ANAPC7: variants seen among roughly 807,000 people sequenced by gnomAD.
ANAPC7 encodes anaphase promoting complex subunit 7, also known as anaphase-promoting complex subunit 7.
ANAPC7 carries 25 observed loss-of-function variants against 63.3 expected under a neutral mutation model. The observed-to-expected ratio is 0.39, with a 90% confidence interval of 0.29 to 0.55. ANAPC7 has a LOEUF of 0.55. Among genes scored for constraint, ANAPC7 ranks in the 20% least tolerant of loss-of-function variants. The pLI is 0.57. For synonymous variants in ANAPC7, 241 were observed against 251.7 expected, an observed-to-expected ratio of 0.96 and a Z score of 0.40; for missense variants, 516 against 691.7, an observed-to-expected ratio of 0.75 and a Z score of 2.85.
At chr12:110,402,267 A>C (rs1386829100) in intron 1 of ANAPC7, among the ~76,000 whole-genome samples, 1 of 152,164 alleles carries the variant, frequency 6.6e-6, no homozygotes, top group Admixed American at 6.5e-5. Flanking sequence ...GAAGTCGCAG[A>C]GAGTGGAGGG....
At chr12:110,383,417 A>G (rs1337314601) in intron 6 of ANAPC7, among the ~76,000 whole-genome samples, 1 of 150,496 alleles carries the variant, frequency 6.6e-6, no homozygotes, top group Non-Finnish European at 1.5e-5. Context: ...CCTGGGTGAC[A>G]GACTGAGACT....
intron 3 of ANAPC7, among the ~76,000 whole-genome samples, chr12:110,393,702 T>C (rs1592922484): frequency 6.6e-6 from 1 of 151,910 alleles, no homozygotes; most frequent in East Asian, 1.9e-4. Flanking sequence ...ACCCAGTCTC[T>C]ACTAAAATTA....
chr12:110,399,146 G>A (rs1256344374), intron 1 of ANAPC7, among the ~76,000 whole-genome samples: 2 of 149,572 alleles, frequency 1.3e-5, no homozygotes, highest in Non-Finnish European at 3.0e-5. Context: ...TCAGCCTCCC[G>A]AGTAGCTAGG....
intron 9 of ANAPC7, among the ~76,000 whole-genome samples, chr12:110,377,151 A>AG (rs1302283681): frequency 2.0e-5 from 3 of 151,450 alleles, no homozygotes; most frequent in Non-Finnish European, 4.4e-5. Context: ...AAAAAAAAAA[A>AG]AAAAAAATTA....
At chr12:110,374,460 C>T in intron 10 of ANAPC7, 127 bp from the exon 11 acceptor site, 3 of 808,410 alleles carry the variant, frequency 3.7e-6, no homozygotes, top group Non-Finnish European at 5.6e-6. Context: ...AGCCTGGCCT[C>T]TCCAAACAAC....
At position 110,374,340 on chromosome 12, in the gene ANAPC7, G is replaced by C. The variant is rs1374437316; in HGVS notation, c.1509-7C>G. 1 of 1,613,096 alleles carries C rather than the reference G, an allele frequency of 6.2e-7. No homozygotes were observed. ...CTGGTCATTGGGGTCCAAACTAGGG[G>C]ACAACAAAACAAAGGAGAGGCCTGA... On this transcript the variant is annotated splice_region_variant and splice_polypyrimidine_tract_variant and intron_variant, in intron 10 of 10. Transcript: ENST00000455511.
chr12:110,403,593 G>A lies in ANAPC7; in HGVS notation c.35C>T (p.Ala12Val), dbSNP rs1209643097. ...NVIDHVRDMA[A>V]AGLHSNVRLL... ...CCGCACGTTGGAGTGCAGCCCCGCGGCCGCCATGTCCCGCACGTGGTCTAT... is the reference window on the plus strand; with the variant it reads ...CCGCACGTTGGAGTGCAGCCCCGCGACCGCCATGTCCCGCACGTGGTCTAT... Residue 12 changes from alanine (A) to valine (V), a missense_variant, in exon 1 of 11, where the codon GCC (alanine) becomes GTC (valine). Ala to Val is a moderately conservative substitution (Grantham distance 64). Coordinates refer to ENST00000455511, the MANE Select transcript of ANAPC7 (RefSeq NM_016238.3). 16 of 1,607,994 alleles carry A rather than the reference G, an allele frequency of 1.0e-5. No homozygotes were observed. Among genetic ancestry groups the A allele is most frequent in the Non-Finnish European group, 1.3e-5 (15 of 1,177,772 alleles).
chr12:110,379,664 T>C (rs1881631578), intron 8 of ANAPC7, among the ~76,000 whole-genome samples: 3 of 152,234 alleles, frequency 2.0e-5, no homozygotes, highest in African/African-American at 4.8e-5. Context: ...TCTGGCTATA[T>C]AAGCAGATTT....
At chr12:110,398,429 A>C (rs1251806377) in intron 1 of ANAPC7, among the ~76,000 whole-genome samples, 1 of 152,074 alleles carries the variant, frequency 6.6e-6, no homozygotes, top group Non-Finnish European at 1.5e-5. Context: ...AGAAAAAAAA[A>C]AAAGTAAACT....
chr12:110,374,060 T>G lies in ANAPC7; in HGVS notation c.*84A>C. The G allele has an allele frequency of 7.8e-6, 11 of 1,417,954 alleles. No homozygotes were observed. The highest frequency in any genetic ancestry group is 2.3e-5 in the Admixed American group (1 of 43,206). The allele number at this position is 1,417,954 out of a possible 1,614,324, so 87.8% of individuals were successfully genotyped here. ...ATCACATGCTGAATCATTGTCCTTC[T>G]GAGAGCAGGCTCCTACGGTTCCTTC... On this transcript the variant is annotated 3_prime_UTR_variant, in exon 11 of 11. Transcript: ENST00000455511.
chr12:110,387,566 T>C, intron 5 of ANAPC7, 173 bp downstream of exon 5: 3 of 656,090 alleles, frequency 4.6e-6, no homozygotes, highest in Admixed American at 3.2e-5. Flanking sequence ...CCAACAGAGA[T>C]GATTACATGA....
At chr12:110,388,016 T>C in intron 4 of ANAPC7, 124 bp from the exon 5 acceptor site, 2 of 990,716 alleles carry the variant, frequency 2.0e-6, no homozygotes, top group South Asian at 1.7e-5. Flanking sequence ...GAGCGATGCA[T>C]GAGAGAAAAA....
intron 8 of ANAPC7, among the ~76,000 whole-genome samples, chr12:110,380,650 C>CA (rs34812107): frequency 0.095 from 5,417 of 56,730 alleles, 240 homozygotes; most frequent in African/African-American, 0.16. Flanking sequence ...GACTCTGTCT[C>CA]AAAAAAAAAA....
chr12:110,391,324 T>C (rs1350259781), intron 3 of ANAPC7, among the ~76,000 whole-genome samples: 1 of 152,218 alleles, frequency 6.6e-6, no homozygotes, highest in Non-Finnish European at 1.5e-5. Context: ...TCTATGTTGG[T>C]ATGTTTACTC....
At chr12:110,384,723 GAAC>G (rs1402021968) in intron 6 of ANAPC7, among the ~76,000 whole-genome samples, 3 of 151,522 alleles carry the variant, frequency 2.0e-5, no homozygotes, top group Non-Finnish European at 4.4e-5. Flanking sequence ...CAAAGGAGCA[GAAC>G]AACCTACCTC....
chr12:110,378,697 C>T (rs1566260105), intron 8 of ANAPC7: 1 of 152,028 alleles, frequency 6.6e-6, no homozygotes, highest in Admixed American at 6.6e-5. Context: ...CTTTTTGGCA[C>T]AAAGTGCTCA....
intron 1 of ANAPC7, among the ~76,000 whole-genome samples, chr12:110,401,284 C>T (rs772143395): frequency 3.9e-5 from 6 of 152,176 alleles, no homozygotes; most frequent in Non-Finnish European, 8.8e-5. Flanking sequence ...GTCCAGGCAT[C>T]GTACTCCTCC....
chr12:110,374,658 C>T (rs1366228210), intron 10 of ANAPC7, among the ~76,000 whole-genome samples: 1 of 152,054 alleles, frequency 6.6e-6, no homozygotes, highest in East Asian at 1.9e-4. Context: ...GGCAAACAAA[C>T]ATTACCAGGT....
chr12:110,380,575 C>T (rs572391983), intron 8 of ANAPC7, among the ~76,000 whole-genome samples: 18 of 148,134 alleles, frequency 1.2e-4, no homozygotes, highest in East Asian at 4.0e-4. Flanking sequence ...GGTTTGAACC[C>T]GGAAGGTGGA....
Sources: gnomAD v4.1 joint callset for allele counts (sites outside exome capture counted in the v4.1 genomes callset) on GRCh38, gnomAD v4.1.1 for gene constraint, MANE v1.5 for transcripts, NCBI Gene and HGNC (gene_info 2026-07-23, HGNC 2026-07-21) for gene names.